Variants in PPP1R1B observed in about 807,000 individuals in gnomAD.
PPP1R1B encodes the protein protein phosphatase 1 regulatory inhibitor subunit 1B.
A neutral mutation model predicts 28.2 loss-of-function variants in PPP1R1B; 13 were observed. The ratio of observed to expected loss-of-function variants is 0.46; its 90% CI spans 0.30 to 0.73. The LOEUF is 0.73. Among genes scored for constraint, PPP1R1B ranks in the 30% least tolerant of loss-of-function variants. PPP1R1B has a pLI of 0.07. For synonymous variants in PPP1R1B, 102 were observed against 97.5 expected (o/e 1.05, Z -0.27); for missense variants, 236 against 256.7 (o/e 0.92, Z 0.55).
chr17:39,629,553 C>A lies in PPP1R1B; in HGVS notation c.156C>A (p.Ser52=), dbSNP rs142374385. 1.9e-6 allele frequency: 3 copies of A among 1,613,582 alleles called. No individual in the cohort carries two copies. In the African/African-American group the frequency reaches 4.0e-5, roughly 22 times the overall value. The change falls in exon 3 of 7, where the codon TCC becomes TCA. Residue 52 remains serine (S), a synonymous_variant. Transcript: ENST00000254079. The stretch of plus-strand genomic sequence containing the variant: ...GGCCTTCCTCAGAGGAGGAAGCCTC[C>A]CCCCACCAGGTGAGTTTCCTGGGGC... The part of the protein sequence containing the change: ...SEHSSPEEEA[S]PHQRASGEGH...
chr17:39,629,919 G>C lies in PPP1R1B; in HGVS notation c.166-53G>C, dbSNP rs756800819. The C allele has an allele frequency of 1.4e-5, 21 of 1,555,208 alleles. No individual in the cohort carries two copies. The African/African-American group carries it at 2.4e-4, about 18-fold the overall frequency. On this transcript the variant is annotated intron_variant, in intron 3 of 6. Coordinates refer to ENST00000254079, the MANE Select transcript of PPP1R1B (RefSeq NM_032192.4). ...ATGGGTGGGATGGAATGGAGGGATG[G>C]TGAAGGCAAGGGCCTCTGCTGAGCC...
At chr17:39,628,764 C>A in intron 1 of PPP1R1B, 1 of 964,202 alleles carries the variant, frequency 1.0e-6, no homozygotes, top group Non-Finnish European at 1.2e-6. Flanking sequence ...GAGGGCCCAG[C>A]CGTGGCAGCT....
At chr17:39,634,964 G>A (rs2056906340) in intron 5 of PPP1R1B, among the ~76,000 whole-genome samples, 2 of 152,234 alleles carry the variant, frequency 1.3e-5, no homozygotes, top group South Asian at 4.1e-4. Flanking sequence ...GGGATGCCAA[G>A]GCTAGCGGAT....
Position 39,635,700 on chromosome 17 carries a change from A to G in PPP1R1B, c.539A>G (p.Asp180Gly), listed in dbSNP as rs754012099. 1 of 1,613,994 alleles carries G rather than the reference A, an allele frequency of 6.2e-7. No individual in the cohort carries two copies. Residue 180 changes from aspartate to glycine, a missense_variant, in exon 6 of 7, where the codon GAC (aspartate) becomes GGC (glycine). Transcript: ENST00000254079. Reference protein sequence around the residue: ...DESERDGGSEDQVEDPALSEP... With the variant: ...DESERDGGSEGQVEDPALSEP... The stretch of plus-strand genomic sequence containing the variant: ...TCCGAGAGAGATGGAGGCTCTGAGG[A>G]CCAAGTGGAAGACCCAGCACTAAGT...
At chr17:39,629,335 G>A (rs574622082) in intron 2 of PPP1R1B, 105 bp downstream of exon 2, 1 of 1,352,616 alleles carries the variant, frequency 7.4e-7, no homozygotes, top group African/African-American at 1.4e-5. Context: ...TGGAGACTGG[G>A]GAGTGGATAA....
intron 4 of PPP1R1B, among the ~76,000 whole-genome samples, chr17:39,631,797 C>T (rs1434851483): frequency 6.6e-6 from 1 of 152,092 alleles, no homozygotes; most frequent in Non-Finnish European, 1.5e-5. Flanking sequence ...TGTGGCTCAG[C>T]ACCTGGAAGG....
chr17:39,636,018 TG>T lies in PPP1R1B; in HGVS notation c.*154del. 1.1e-6 allele frequency: 1 copy of T among 880,616 alleles called. No homozygotes were observed. Among genetic ancestry groups the T allele is most frequent in the South Asian group, 1.8e-5 (1 of 57,004 alleles). The allele number at this position is 880,616 out of a possible 1,614,324, so 54.6% of individuals were successfully genotyped here. A position where few individuals can be genotyped will look rare whatever the true frequency, so the allele number is the denominator to read the frequency against. ...AGACTAAGGCTGGTCTGTGTTTGCT[TG>T]TTTGCCCACCTTTGGCTGATACCCA... On this transcript the variant is annotated 3_prime_UTR_variant, in exon 7 of 7. Transcript: ENST00000254079.
upstream of PPP1R1B, chr17:39,626,738 G>C (rs1215620091): frequency 1.3e-5 from 2 of 151,666 alleles, no homozygotes; most frequent in Admixed American, 6.6e-5. Context: ...CAATAATGCA[G>C]CTTCAAGTTC....
At chr17:39,633,413 A>C (rs1374258592) in intron 4 of PPP1R1B, 1 of 193,310 alleles carries the variant, frequency 5.2e-6, no homozygotes, top group Non-Finnish European at 1.1e-5. Flanking sequence ...CAGGGTAAGC[A>C]GTGAGCCCTC....
Position 39,635,992 on chromosome 17 carries a change from A to T in PPP1R1B, c.*127A>T. 1 of 1,091,766 alleles carries T rather than the reference A, an allele frequency of 9.2e-7. No homozygotes were observed. The highest frequency in any genetic ancestry group is 1.4e-5 in the South Asian group (1 of 69,276). 67.6% of individuals were successfully genotyped at this position (1,091,766 alleles called of 1,614,324 possible). A position where few individuals can be genotyped will look rare whatever the true frequency, so the allele number is the denominator to read the frequency against. ...TAGGGCTGCGGCTTCTGACTTCTAGAAGACTAAGGCTGGTCTGTGTTTGCT... is the reference window on the plus strand; with the variant it reads ...TAGGGCTGCGGCTTCTGACTTCTAGTAGACTAAGGCTGGTCTGTGTTTGCT... On this transcript the variant is annotated 3_prime_UTR_variant, in exon 7 of 7. Transcript: ENST00000254079.
At position 39,627,372 on chromosome 17, in the gene PPP1R1B, C is replaced by T; in HGVS notation, c.-21C>T. 1 of 1,574,480 alleles carries T rather than the reference C, an allele frequency of 6.4e-7. No individual in the cohort carries two copies. Among genetic ancestry groups the T allele is most frequent in the Non-Finnish European group, 8.7e-7 (1 of 1,154,980 alleles). ...GGACCCCGAGTCGCGCACCCCAGCC[C>T]CACCGCCCACCCCGCGCGCCATGGA... On this transcript the variant is annotated 5_prime_UTR_variant, in exon 1 of 7. Transcript: ENST00000254079.
Position 39,633,963 on chromosome 17 carries a change from C to T in PPP1R1B, c.322C>T (p.Leu108=). 3 of 1,613,832 alleles carry T rather than the reference C, an allele frequency of 1.9e-6. No individual in the cohort carries two copies. The highest frequency in any genetic ancestry group is 2.5e-6 in the Non-Finnish European group (3 of 1,179,882). ...CCAGGCCTCAGAGGAGGAGGATGAGCTGGGGGAGCTTCGGGAGCTGGGTTA... is the reference window on the plus strand; with the variant it reads ...CCAGGCCTCAGAGGAGGAGGATGAGTTGGGGGAGCTTCGGGAGCTGGGTTA... ...ENQASEEEDE[L]GELRELGYPR... The change falls in exon 5 of 7, where the codon CTG becomes TTG. Residue 108 remains leucine (L), a synonymous_variant. Coordinates refer to ENST00000254079, the MANE Select transcript of PPP1R1B (RefSeq NM_032192.4).
chr17:39,633,889 A>T lies in PPP1R1B; in HGVS notation c.248A>T (p.Gln83Leu). The change falls in exon 5 of 7, where the codon CAG becomes CTG. Residue 83 changes from glutamine (Q) to leucine (L), a missense_variant. Gln to Leu is a moderately radical substitution (Grantham distance 113). Coordinates refer to ENST00000254079, the MANE Select transcript of PPP1R1B (RefSeq NM_032192.4). Reference protein sequence around the residue: ...AYTPPSLKAVQRIAESHLQSI... With the variant: ...AYTPPSLKAVLRIAESHLQSI... ...TCGGTCTCCTCTGTGCCAGCTGTGC[A>T]GCGCATTGCTGAGTCTCACCTGCAG... 1 of 1,613,612 alleles carries T rather than the reference A, an allele frequency of 6.2e-7. No individual in the cohort carries two copies. The highest frequency in any genetic ancestry group is 8.5e-7 in the Non-Finnish European group (1 of 1,179,770).
chr17:39,630,121 G>A, intron 4 of PPP1R1B, 74 bp downstream of exon 4: 1 of 1,398,406 alleles, frequency 7.2e-7, no homozygotes, highest in South Asian at 1.2e-5. Flanking sequence ...GGGAGCTTTT[G>A]TCAGTGGGGA....
At chr17:39,634,947 G>C (rs1315554221) in intron 5 of PPP1R1B, among the ~76,000 whole-genome samples, 1 of 152,226 alleles carries the variant, frequency 6.6e-6, no homozygotes, top group African/African-American at 2.4e-5. Context: ...TGTAATTCCA[G>C]CACTTTGGGA....
In PPP1R1B at chr17:39,629,615, G is replaced by A. The variant is rs377118667; in HGVS notation, c.165+53G>A. On this transcript the variant is annotated intron_variant, in intron 3 of 6. Coordinates refer to ENST00000254079, the MANE Select transcript of PPP1R1B (RefSeq NM_032192.4). ...GGGATGCCTGGGCCCCTTGGGGTGG[G>A]GTGGACGGGTGCCTGCAGTGACAAC... The A allele has an allele frequency of 1.9e-6, 3 of 1,599,154 alleles. No individual in the cohort carries two copies. In the African/African-American group the frequency reaches 4.0e-5, roughly 21 times the overall value.
chr17:39,635,960 C>T lies in PPP1R1B; in HGVS notation c.*95C>T, dbSNP rs188830141. On this transcript the variant is annotated 3_prime_UTR_variant, in exon 7 of 7. Transcript: ENST00000254079. ...TCACCCTGTTTTGTGCTCTTCCCCT[C>T]GCCTGCTAGGGCTGCGGCTTCTGAC... 255 of 1,358,716 alleles carry T rather than the reference C, an allele frequency of 1.9e-4. 2 individuals carry two copies. In the East Asian group the frequency reaches 5.7e-3, roughly 30 times the overall value. 84.2% of individuals were successfully genotyped at this position (1,358,716 alleles called of 1,614,324 possible).
In PPP1R1B at chr17:39,629,193, T is replaced by A; in HGVS notation, c.105T>A (p.Pro35=). Residue 35 remains proline (P), a synonymous_variant, in exon 2 of 7, where the codon CCT becomes CCA. Transcript: ENST00000254079. The part of the protein sequence containing the change: ...VEMIRRRRPT[P]AMLFRLSEHS... ...AGATCCGGCGCAGGAGACCAACGCC[T>A]GCCATGCTGTTCCGGCTCTCAGAGC... is the stretch of plus-strand genomic sequence containing the variant. The A allele has an allele frequency of 6.2e-7, 1 of 1,613,650 alleles. No individual in the cohort carries two copies. The highest frequency in any genetic ancestry group is 1.1e-5 in the South Asian group (1 of 91,074).
Position 39,636,131 on chromosome 17 carries a change from A to T in PPP1R1B, c.*266A>T. The T allele has an allele frequency of 1.9e-6, 1 of 519,366 alleles. No homozygotes were observed. The highest frequency in any genetic ancestry group is 3.5e-6 in the Non-Finnish European group (1 of 287,914). 32.2% of individuals were successfully genotyped at this position (519,366 alleles called of 1,614,324 possible). A position where few individuals can be genotyped will look rare whatever the true frequency, so the allele number is the denominator to read the frequency against. ...CGGGAGGTGGGATGTGAGACAGCCCACATTGGAAAATCCAGAAAACCGGGA... is the reference window on the plus strand; with the variant it reads ...CGGGAGGTGGGATGTGAGACAGCCCTCATTGGAAAATCCAGAAAACCGGGA... On this transcript the variant is annotated 3_prime_UTR_variant, in exon 7 of 7. Coordinates refer to ENST00000254079, the MANE Select transcript of PPP1R1B (RefSeq NM_032192.4).
Sources: gnomAD v4.1 joint callset for allele counts (sites outside exome capture counted in the v4.1 genomes callset) on GRCh38, gnomAD v4.1.1 for gene constraint, MANE v1.5 for transcripts, NCBI Gene and HGNC (gene_info 2026-07-23, HGNC 2026-07-21) for gene names.